ZNF770: variants seen among roughly 807,000 people sequenced by gnomAD.
The protein encoded by ZNF770 is zinc finger protein 770.
ZNF770 carries 13 observed loss-of-function variants against 44.8 expected under a neutral mutation model. That is an observed-to-expected ratio of 0.29 (90% CI 0.19 to 0.46). The LOEUF (loss-of-function observed/expected upper bound fraction) is 0.46, where lower values mean the gene tolerates loss of function less well. Ranked by LOEUF, ZNF770 falls within the 20% of genes least tolerant of loss-of-function variation. ZNF770 has a pLI of 1.00. For missense variants in ZNF770, 681 were observed against 797.9 expected (o/e 0.85, Z 1.77); for synonymous variants, 304 against 271.8 (o/e 1.12, Z -1.17).
chr15:34,983,011 G>T lies in ZNF770; in HGVS notation c.424C>A (p.His142Asn), dbSNP rs745965735. ...ATGGGATCAGACTTAGAGCACGGGT[G>T]TAATGCCCATCTTTCCTCTGTGGTA... Reference protein sequence around the residue: ...TFTTEERWALHPCSKSDPMYS... With the variant: ...TFTTEERWALNPCSKSDPMYS... The change falls in exon 3 of 3, where the codon CAC becomes AAC. Residue 142 changes from histidine (H) to asparagine (N), a missense_variant. This residue lies in a region of ZNF770 where 432 missense variants were observed against 434.1 expected (regional missense o/e 1.00). Transcript: ENST00000356321. 2 of 1,614,022 alleles carry T rather than the reference G, an allele frequency of 1.2e-6. No homozygotes were observed. Among genetic ancestry groups the T allele is most frequent in the South Asian group, 2.2e-5 (2 of 91,086 alleles).
chr15:34,982,011 C>T lies in ZNF770; in HGVS notation c.1424G>A (p.Cys475Tyr). ...TACCTTCTCACATTTGTCACAAGGA[C>T]ATATCTTATGTCTAGTACGTATGTT... ...RENIRTRHKI[C>Y]PCDKCEKVFP... is the part of the protein sequence containing the mutation. Residue 475 changes from cysteine to tyrosine, a missense_variant, in exon 3 of 3, where the codon TGT becomes TAT. By Grantham distance (194) the Cys-to-Tyr change is radical. Coordinates refer to ENST00000356321, the MANE Select transcript of ZNF770 (RefSeq NM_014106.4). The T allele has an allele frequency of 6.2e-7, 1 of 1,613,678 alleles. No homozygotes were observed. The highest frequency in any genetic ancestry group is 2.2e-5 in the East Asian group (1 of 44,864).
rs562541527 is a variant in ZNF770 at position 34,979,978 on chromosome 15, T to A, written c.*1381A>T. The A allele has an allele frequency of 6.6e-4, 123 of 187,170 alleles. 4 individuals carry two copies. The South Asian group carries it at 8.8e-3, about 13-fold the overall frequency. 11.6% of individuals were successfully genotyped at this position (187,170 alleles called of 1,614,324 possible). On this transcript the variant is annotated 3_prime_UTR_variant, in exon 3 of 3. Transcript: ENST00000356321. Reference sequence around the variant, plus strand: ...AATGATACCCACAACTCTACAAGCATCTTATCCCTCTACAGGAATGACTAC... The same window carrying A: ...AATGATACCCACAACTCTACAAGCAACTTATCCCTCTACAGGAATGACTAC...
chr15:34,981,400 G>A lies in ZNF770; in HGVS notation c.2035C>T (p.Arg679Ter), dbSNP rs372513529. 2.0e-5 allele frequency: 33 copies of A among 1,613,108 alleles called. No individual in the cohort carries two copies. Among genetic ancestry groups the A allele is most frequent in the East Asian group, 4.5e-5 (2 of 44,894 alleles). ...KRHQLTHFKE[R>*]PQGKVVALDS... ...AAGGCAACCACTTTCCCTTGTGGTC[G>A]TTCTTTAAAGTGAGTAAGCTGATGT... The change falls in exon 3 of 3, where the codon CGA becomes TGA. Residue 679 changes from arginine (R) to a stop codon, truncating the protein, a stop_gained. Coordinates refer to ENST00000356321, the MANE Select transcript of ZNF770 (RefSeq NM_014106.4). LOFTEE classifies it high-confidence loss of function.
rs2050382538 is a variant in ZNF770, at chr15:34,978,759, G to T, written c.*2600C>A. 1 of 152,028 alleles carries T rather than the reference G, an allele frequency of 6.6e-6. No homozygotes were observed. Among genetic ancestry groups the T allele is most frequent in the African/African-American group, 2.4e-5 (1 of 41,374 alleles). 9.4% of individuals were successfully genotyped at this position (152,028 alleles called of 1,614,324 possible). ...AGGTAAATAAGTACAGTTGTCCCTT[G>T]GTATCCATGGGGTATTGGTTCCTGG... On this transcript the variant is annotated 3_prime_UTR_variant, in exon 3 of 3. Coordinates refer to ENST00000356321, the MANE Select transcript of ZNF770 (RefSeq NM_014106.4).
intron 1 of ZNF770, among the ~76,000 whole-genome samples, chr15:34,987,875 C>T (rs1236784584): frequency 1.3e-5 from 2 of 152,120 alleles, no homozygotes; most frequent in Non-Finnish European, 2.9e-5. Context: ...GAGCCGAGTC[C>T]AGAAACCACA....
intron 2 of ZNF770, among the ~76,000 whole-genome samples, chr15:34,984,800 A>C (rs2050423832): frequency 6.6e-6 from 1 of 152,108 alleles, no homozygotes; most frequent in African/African-American, 2.4e-5. Context: ...CAGGCAATAT[A>C]GTAAAAGGGT....
At chr15:34,985,722 T>C (rs1204220365) in intron 2 of ZNF770, among the ~76,000 whole-genome samples, 1 of 151,982 alleles carries the variant, frequency 6.6e-6, no homozygotes, top group Non-Finnish European at 1.5e-5. Flanking sequence ...GGTGAAACCC[T>C]GTCTCTACTA....
chr15:34,986,203 C>T (rs1167259948), intron 2 of ZNF770, among the ~76,000 whole-genome samples: 1 of 151,972 alleles, frequency 6.6e-6, no homozygotes, highest in Non-Finnish European at 1.5e-5. Context: ...CCATATTATT[C>T]CAAAATATTT....
rs1172112872 is a variant in ZNF770 at position 34,979,302 on chromosome 15, T to A, written c.*2057A>T. ...TTGCTTAGAAAAATGCCAAAATCAATAATTTCAAACATATTAAGGAGAAAA... is the reference window on the plus strand; with the variant it reads ...TTGCTTAGAAAAATGCCAAAATCAAAAATTTCAAACATATTAAGGAGAAAA... On this transcript the variant is annotated 3_prime_UTR_variant, in exon 3 of 3. Coordinates refer to ENST00000356321, the MANE Select transcript of ZNF770 (RefSeq NM_014106.4). 6.4e-6 allele frequency: 1 copy of A among 157,090 alleles called. No individual in the cohort carries two copies. Among genetic ancestry groups the A allele is most frequent in the African/African-American group, 2.4e-5 (1 of 41,466 alleles). The allele number at this position is 157,090 out of a possible 1,614,324, so 9.7% of individuals were successfully genotyped here.
Position 34,982,860 on chromosome 15 carries a change from A to G in ZNF770, c.575T>C (p.Leu192Ser), listed in dbSNP as rs2050411771. Residue 192 changes from leucine (L) to serine (S), a missense_variant, in exon 3 of 3, where the codon TTG becomes TCG. By Grantham distance (145) the Leu-to-Ser change is moderately radical. Transcript: ENST00000356321. Reference protein sequence around the residue: ...HTGQRPFKCVLCTKSFRQSTH... With the variant: ...HTGQRPFKCVSCTKSFRQSTH... The stretch of plus-strand genomic sequence containing the variant: ...TGACTGTCGAAAAGATTTAGTACAC[A>G]AGACACATTTAAAAGGCCTCTGACC... 1.2e-6 allele frequency: 2 copies of G among 1,613,914 alleles called. No individual in the cohort carries two copies. The highest frequency in any genetic ancestry group is 4.5e-5 in the East Asian group (2 of 44,870).
chr15:34,983,314 T>C lies in ZNF770; in HGVS notation c.121A>G (p.Lys41Glu). ...ICFKHFETPS[K>E]LARHYLIHTG... ...TGAATGAGATAGTGCCTAGCTAATT[T>C]TGATGGTGTTTCAAAGTGCTTAAAA... Residue 41 changes from lysine to glutamate, a missense_variant, in exon 3 of 3, where the codon AAA (lysine) becomes GAA (glutamate). Physicochemically the swap from Lys to Glu is moderately conservative, Grantham distance 56. Transcript: ENST00000356321. 1 of 1,613,370 alleles carries C rather than the reference T, an allele frequency of 6.2e-7. No homozygotes were observed. Among genetic ancestry groups the C allele is most frequent in the Non-Finnish European group, 8.5e-7 (1 of 1,179,472 alleles).
chr15:34,982,321 T>C lies in ZNF770; in HGVS notation c.1114A>G (p.Ile372Val). ...KKSFLRNCDL[I>V]SGEQSSEQTQ... ...TGTTCAGAGCTCTGCTCACCAGAAA[T>C]AAGATCACAATTTCTCAAGAAACTC... Residue 372 changes from isoleucine to valine, a missense_variant, in exon 3 of 3, where the codon ATT (isoleucine) becomes GTT (valine). Around this residue, in one of 5 missense-constraint regions of ZNF770, gnomAD observed 432 missense variants for 434.1 expected, o/e 1.00. Transcript: ENST00000356321. 6.2e-7 allele frequency: 1 copy of C among 1,609,622 alleles called. No individual in the cohort carries two copies. Among genetic ancestry groups the C allele is most frequent in the Non-Finnish European group, 8.5e-7 (1 of 1,178,946 alleles).
At position 34,981,475 on chromosome 15, in the gene ZNF770, C is replaced by T; in HGVS notation, c.1960G>A (p.Glu654Lys). 1 of 1,614,220 alleles carries T rather than the reference C, an allele frequency of 6.2e-7. No homozygotes were observed. The highest frequency in any genetic ancestry group is 8.5e-7 in the Non-Finnish European group (1 of 1,180,038). ...YLIHAGQKPF[E>K]CSVCGKTFRQ... is the part of the protein sequence containing the mutation. ...AATGTTTTGCCACAAACTGAGCATT[C>T]AAATGGTTTCTGCCCTGCATGAATT... is the stretch of plus-strand genomic sequence containing the variant. Residue 654 changes from glutamate to lysine, a missense_variant, in exon 3 of 3, where the codon GAA becomes AAA. Glu to Lys is a moderately conservative substitution (Grantham distance 56). Transcript: ENST00000356321.
Position 34,981,276 on chromosome 15 carries a change from C to T in ZNF770, c.*83G>A, listed in dbSNP as rs1239306925. ...TGAAACCATTCAGTTTAATGCAGGC[C>T]TTTCAATAAAAATGCATTTTAAATA... On this transcript the variant is annotated 3_prime_UTR_variant, in exon 3 of 3. Coordinates refer to ENST00000356321, the MANE Select transcript of ZNF770 (RefSeq NM_014106.4). 4 of 1,373,878 alleles carry T rather than the reference C, an allele frequency of 2.9e-6. 1 individual carries two copies. Among genetic ancestry groups the T allele is most frequent in the Non-Finnish European group, 2.9e-6 (3 of 1,037,714 alleles). 85.1% of individuals were successfully genotyped at this position (1,373,878 alleles called of 1,614,324 possible).
intron 2 of ZNF770, among the ~76,000 whole-genome samples, chr15:34,986,715 TCTC>T (rs1422549617): frequency 3.3e-5 from 5 of 151,972 alleles, no homozygotes; most frequent in Admixed American, 1.3e-4. Context: ...CTAACAAAAA[TCTC>T]CTGCCTCTTA....
intron 2 of ZNF770, among the ~76,000 whole-genome samples, chr15:34,986,356 T>C (rs1189750812): frequency 6.6e-6 from 1 of 152,196 alleles, no homozygotes; most frequent in Non-Finnish European, 1.5e-5. Context: ...AACAATCAAC[T>C]CTTGGTGCTA....
chr15:34,982,243 T>C lies in ZNF770; in HGVS notation c.1192A>G (p.Ile398Val), dbSNP rs779093066. 5.0e-6 allele frequency: 8 copies of C among 1,613,922 alleles called. No individual in the cohort carries two copies. The highest frequency in any genetic ancestry group is 4.4e-5 in the South Asian group (4 of 91,006). Residue 398 changes from isoleucine to valine, a missense_variant, in exon 3 of 3, where the codon ATT becomes GTT. By Grantham distance (29) the Ile-to-Val change is conservative (BLOSUM62 3). Transcript: ENST00000356321. ...AATGTTTTCTTCTTTCTATTGCCAATTGTTTTATATGTTCCATGTTTGCCA... is the reference window on the plus strand; with the variant it reads ...AATGTTTTCTTCTTTCTATTGCCAACTGTTTTATATGTTCCATGTTTGCCA... ...SLGKHGTYKT[I>V]GNRKKKTLTL...
chr15:34,980,949 G>A lies in ZNF770; in HGVS notation c.*410C>T. The A allele has an allele frequency of 6.2e-6, 1 of 160,400 alleles. No homozygotes were observed. The highest frequency in any genetic ancestry group is 2.4e-5 in the African/African-American group (1 of 41,550). 9.9% of individuals were successfully genotyped at this position (160,400 alleles called of 1,614,324 possible). ...AATGTAAAATAAATCAAATATAACA[G>A]GGCTATGTGCTGCAGCTAAAAGCCA... On this transcript the variant is annotated 3_prime_UTR_variant, in exon 3 of 3. Transcript: ENST00000356321.
rs372427253 is a variant in ZNF770, at chr15:34,982,435, T to C, written c.1000A>G (p.Thr334Ala). The change falls in exon 3 of 3, where the codon ACC becomes GCC. Residue 334 changes from threonine to alanine, a missense_variant. Thr to Ala is a moderately conservative substitution (Grantham distance 58). Coordinates refer to ENST00000356321, the MANE Select transcript of ZNF770 (RefSeq NM_014106.4). ...TTGGCCAAGATTTTTTTAACAATGG[T>C]TTTATAGTTGTAGCTTCTTTTGAAC... Reference protein sequence around the residue: ...SRFKRSYNYKTIVKKILAKLK... With the variant: ...SRFKRSYNYKAIVKKILAKLK... 1.5e-5 allele frequency: 25 copies of C among 1,613,674 alleles called. No homozygotes were observed. In the African/African-American group the frequency reaches 2.7e-4, roughly 17 times the overall value.
Sources: gnomAD v4.1 joint callset for allele counts (sites outside exome capture counted in the v4.1 genomes callset) on GRCh38, gnomAD v4.1.1 for gene constraint, gnomAD v4.1.1 regional missense constraint, MANE v1.5 for transcripts, NCBI Gene and HGNC (gene_info 2026-07-23, HGNC 2026-07-21) for gene names.